LANCL2: variants seen among roughly 807,000 people sequenced by gnomAD.
LANCL2 encodes lanC-like protein 2.
A neutral mutation model predicts 56.9 loss-of-function variants in LANCL2; 33 were observed. That is an observed-to-expected ratio of 0.58 (90% confidence interval 0.44 to 0.78). LANCL2 has a LOEUF of 0.78. Ranked by LOEUF, LANCL2 falls within the 30% of genes least tolerant of loss-of-function variation. The pLI, the probability that LANCL2 is intolerant of heterozygous loss-of-function variation, is 0.00. For synonymous variants in LANCL2, 233 were observed against 228.2 expected, an observed-to-expected ratio of 1.02 and a Z score of -0.19; for missense variants, 562 against 580.2, an observed-to-expected ratio of 0.97 and a Z score of 0.32.
rs547546896 is a variant in LANCL2, at chr7:55,365,515, G to C, written c.-511G>C. The C allele has an allele frequency of 6.6e-6, 1 of 152,528 alleles. No homozygotes were observed. The highest frequency in any genetic ancestry group is 1.9e-4 in the East Asian group (1 of 5,198). 9.4% of individuals were successfully genotyped at this position (152,528 alleles called of 1,614,324 possible). On this transcript the variant is annotated 5_prime_UTR_variant, in exon 1 of 9. Coordinates refer to ENST00000254770, the MANE Select transcript of LANCL2 (RefSeq NM_018697.4). ...GCGCGCCAGGGGCTGAGCTCGCCCC[G>C]GTCGGCGACGCGCACACACCTTGAG...
chr7:55,371,879 T>A (rs1188498363), intron 1 of LANCL2, among the ~76,000 whole-genome samples: 1 of 152,144 alleles, frequency 6.6e-6, no homozygotes, highest in East Asian at 1.9e-4. Context: ...AGAAATGTAA[T>A]TTTTTTCTCT....
In LANCL2 at chr7:55,365,776, C is replaced by A. The variant is rs985815284; in HGVS notation, c.-250C>A. 7 of 369,634 alleles carry A rather than the reference C, an allele frequency of 1.9e-5. No homozygotes were observed. Among genetic ancestry groups the A allele is most frequent in the Non-Finnish European group, 4.8e-6 (1 of 206,686 alleles). The allele number at this position is 369,634 out of a possible 1,614,324, so 22.9% of individuals were successfully genotyped here. A position where few individuals can be genotyped will look rare whatever the true frequency, so the allele number is the denominator to read the frequency against. On this transcript the variant is annotated 5_prime_UTR_variant, in exon 1 of 9. Coordinates refer to ENST00000254770, the MANE Select transcript of LANCL2 (RefSeq NM_018697.4). ...CTCCCGCGAGCCCGCTCCTCTCCGT[C>A]GGGAGCAGGGCAAAGGCGCCAGGAA...
chr7:55,425,195 T>G, intron 6 of LANCL2, 59 bp from the exon 7 acceptor site: 1 of 1,542,090 alleles, frequency 6.5e-7, no homozygotes, highest in Non-Finnish European at 8.9e-7. Flanking sequence ...GGGAAAGTAT[T>G]TTGCCAACTC....
At chr7:55,389,534 G>A (rs1790161935) in intron 1 of LANCL2, among the ~76,000 whole-genome samples, 4 of 152,220 alleles carry the variant, frequency 2.6e-5, no homozygotes, top group South Asian at 2.1e-4. Context: ...CTCTTAGGGC[G>A]AGCAGGTAAA....
intron 1 of LANCL2, among the ~76,000 whole-genome samples, chr7:55,391,528 CTT>C (rs34146737): frequency 8.5e-4 from 126 of 148,108 alleles, no homozygotes; most frequent in African/African-American, 2.7e-3. Context: ...TCCATTTTTC[CTT>C]TTTTTTTTAA....
intron 6 of LANCL2, 106 bp downstream of exon 6, chr7:55,412,195 C>T: frequency 1.0e-6 from 1 of 992,324 alleles, no homozygotes; most frequent in Non-Finnish European, 1.5e-6. Flanking sequence ...CACTAAAAAC[C>T]TTTTAGAATG....
At chr7:55,423,589 T>C (rs780168792) in intron 6 of LANCL2, among the ~76,000 whole-genome samples, 3 of 152,194 alleles carry the variant, frequency 2.0e-5, no homozygotes, top group Non-Finnish European at 4.4e-5. Context: ...CACAATACCG[T>C]AGAAAGAGTA....
chr7:55,418,836 G>T (rs938823719), intron 6 of LANCL2, among the ~76,000 whole-genome samples: 1 of 151,886 alleles, frequency 6.6e-6, no homozygotes, highest in Middle Eastern at 3.2e-3. Context: ...AAGGGATGTT[G>T]AATTTTGTCA....
chr7:55,403,776 C>T (rs950475424), intron 5 of LANCL2, among the ~76,000 whole-genome samples: 2 of 151,634 alleles, frequency 1.3e-5, no homozygotes. Context: ...TTCACCATAT[C>T]GGCCAGGCTG....
chr7:55,399,873 A>G (rs1790300599), intron 3 of LANCL2, 84 bp from the exon 4 acceptor site: 1 of 1,052,240 alleles, frequency 9.5e-7, no homozygotes, highest in Non-Finnish European at 1.3e-6. Flanking sequence ...ATAATAGGTA[A>G]TTCCTAAAGC....
rs189273583 is a variant in LANCL2 at position 55,373,462 on chromosome 7, T to A, written c.204+7233T>A. Among the ~76,000 whole-genome samples the A allele has an allele frequency of 3.3e-3, 506 of 151,940 alleles. 4 individuals are homozygous for A. Among genetic ancestry groups the A allele is most frequent in the African/African-American group, 0.012 (493 of 41,418 alleles). On this transcript the variant is annotated intron_variant, in intron 1 of 8. Coordinates refer to ENST00000254770, the MANE Select transcript of LANCL2 (RefSeq NM_018697.4). Reference sequence around the variant, plus strand: ...TACTCCACCACACCCAGCTAATTTTTAAATTTTTTGTGTGTGGAGATGGGG... The same window carrying A: ...TACTCCACCACACCCAGCTAATTTTAAAATTTTTTGTGTGTGGAGATGGGG...
rs185074351 is a variant in LANCL2 at position 55,392,206 on chromosome 7, T to C, written c.322+296T>C. On this transcript the variant is annotated intron_variant, in intron 2 of 8. Coordinates refer to ENST00000254770, the MANE Select transcript of LANCL2 (RefSeq NM_018697.4). The stretch of plus-strand genomic sequence containing the variant: ...TACTTGGGAGGCTGAGGCAGGAGAA[T>C]TGCTTGAACCTGGGAAGCGGAGGTT... Among the ~76,000 whole-genome samples the C allele has an allele frequency of 1.6e-4, 24 of 152,240 alleles. No homozygotes were observed. In the East Asian group the frequency reaches 4.6e-3, roughly 29 times the overall value.
intron 1 of LANCL2, among the ~76,000 whole-genome samples, chr7:55,378,073 T>TA: frequency 6.6e-6 from 1 of 152,354 alleles, no homozygotes. Flanking sequence ...TTTTCTTACC[T>TA]AAAAAACTGA....
At chr7:55,427,821 A>G (rs1277795864) in intron 7 of LANCL2, among the ~76,000 whole-genome samples, 4 of 152,228 alleles carry the variant, frequency 2.6e-5, no homozygotes, top group Admixed American at 1.3e-4. Flanking sequence ...GAAGAGGTCT[A>G]AGAAGAAAGG....
chr7:55,424,510 CT>C (rs1454178141), intron 6 of LANCL2, among the ~76,000 whole-genome samples: 1 of 152,186 alleles, frequency 6.6e-6, no homozygotes, highest in African/African-American at 2.4e-5. Flanking sequence ...CGATTGCCTT[CT>C]ACAAGAGCAG....
rs371868378 is a variant in LANCL2 at position 55,401,161 on chromosome 7, G to A, written c.679-13G>A. The A allele has an allele frequency of 6.2e-7, 1 of 1,612,606 alleles. No homozygotes were observed. Among genetic ancestry groups the A allele is most frequent in the African/African-American group, 1.3e-5 (1 of 74,794 alleles). ...TACAGTTTTAGATTTATGCTGTCTT[G>A]TTATCTCTGTAGGTAGTCAATGCTA... On this transcript the variant is annotated splice_polypyrimidine_tract_variant and intron_variant, in intron 4 of 8. Transcript: ENST00000254770.
Position 55,402,767 on chromosome 7 carries a change from C to T in LANCL2, c.825+1447C>T, listed in dbSNP as rs1331994314. ...GACGCTCCTCACTTCTCAGACGGGGCGGTTGCCGGGCGGAGGGTCTCCTCA... is the reference window on the plus strand; with the variant it reads ...GACGCTCCTCACTTCTCAGACGGGGTGGTTGCCGGGCGGAGGGTCTCCTCA... On this transcript the variant is annotated intron_variant, in intron 5 of 8. Coordinates refer to ENST00000254770, the MANE Select transcript of LANCL2 (RefSeq NM_018697.4). 1.7e-4 allele frequency among the ~76,000 whole-genome samples: 19 copies of T among 113,706 alleles called. 2 individuals are homozygous for T. The highest frequency in any genetic ancestry group is 3.4e-4 in the African/African-American group (9 of 26,120). The allele number at this position is 113,706 out of a possible 152,430, so 74.6% of individuals were successfully genotyped here.
intron 6 of LANCL2, 126 bp downstream of exon 6, chr7:55,412,215 A>G: frequency 1.2e-6 from 1 of 855,044 alleles, no homozygotes; most frequent in Non-Finnish European, 1.8e-6. Context: ...GATTGTTTTT[A>G]CAAAATAAAG....
intron 3 of LANCL2, 107 bp from the exon 4 acceptor site, chr7:55,399,850 A>T: frequency 5.7e-6 from 5 of 874,022 alleles, no homozygotes; most frequent in East Asian, 2.6e-5. Flanking sequence ...TAATTGTTTT[A>T]AATGTAAAAT....
Sources: allele counts gnomAD v4.1 joint callset (sites outside exome capture counted in the v4.1 genomes callset), GRCh38; gene constraint gnomAD v4.1.1; transcripts MANE v1.5; gene names NCBI Gene and HGNC (gene_info 2026-07-23, HGNC 2026-07-21).